Variants in DOCK2 observed in about 807,000 individuals in gnomAD.
DOCK2 encodes dedicator of cytokinesis protein 2.
DOCK2 carries 87 observed loss-of-function variants against 248.9 expected under a neutral mutation model. The ratio of observed to expected loss-of-function variants is 0.35; its 90% confidence interval spans 0.29 to 0.42. The LOEUF (loss-of-function observed/expected upper bound fraction) is 0.42. Among genes scored for constraint, DOCK2 ranks in the 10% least tolerant of loss-of-function variants. The pLI is 1.00. For synonymous variants in DOCK2, 805 were observed against 821.6 expected, an observed-to-expected ratio of 0.98 and a Z score of 0.35; for missense variants, 1,747 against 2,300.2, an observed-to-expected ratio of 0.76 and a Z score of 4.92.
intron 51 of DOCK2, 125 bp from the exon 52 acceptor site, chr5:170,082,671 C>T: frequency 8.2e-7 from 1 of 1,216,558 alleles, no homozygotes; most frequent in Non-Finnish European, 1.2e-6. Flanking sequence ...CATAGCAGCT[C>T]ACATTCACTG....
At chr5:169,666,975 G>A (rs1758771080) in intron 2 of DOCK2, among the ~76,000 whole-genome samples, 2 of 152,190 alleles carry the variant, frequency 1.3e-5, no homozygotes, top group Admixed American at 6.5e-5. Context: ...GAATCCTGTC[G>A]TCAGGAGTGA....
intron 27 of DOCK2, among the ~76,000 whole-genome samples, chr5:169,893,542 G>A (rs1429868677): frequency 6.6e-6 from 1 of 150,860 alleles, no homozygotes; most frequent in East Asian, 1.9e-4. Context: ...TTTTTCCTGG[G>A]GTCAAACACT....
intron 25 of DOCK2, among the ~76,000 whole-genome samples, chr5:169,797,820 A>G (rs762750846): frequency 9.9e-5 from 15 of 152,214 alleles, no homozygotes; most frequent in Admixed American, 2.6e-4. Flanking sequence ...TGGCTTGACA[A>G]TCAAGCAGCA....
intron 26 of DOCK2, among the ~76,000 whole-genome samples, chr5:169,807,866 A>G (rs984357146): frequency 1.3e-5 from 2 of 150,276 alleles, no homozygotes; most frequent in Non-Finnish European, 3.0e-5. Flanking sequence ...AAAATCTAGC[A>G]TCTTCCAATA....
rs1370380019 is a variant in DOCK2, at chr5:169,724,633, A to G, written c.2267+5842A>G. Among the ~76,000 whole-genome samples, 6 of 152,134 alleles carry G rather than the reference A, an allele frequency of 3.9e-5. No individual in the cohort carries two copies. In the East Asian group the frequency reaches 1.2e-3, roughly 29 times the overall value. On this transcript the variant is annotated intron_variant, in intron 22 of 51. Coordinates refer to ENST00000520908, the MANE Select transcript of DOCK2 (RefSeq NM_004946.3). Reference sequence around the variant, plus strand: ...ATCTCAGGAGCATGGTTCGCAGCTCAGCGACGCCTCCAGTCTAGCTTACCT... The same window carrying G: ...ATCTCAGGAGCATGGTTCGCAGCTCGGCGACGCCTCCAGTCTAGCTTACCT...
intron 25 of DOCK2, among the ~76,000 whole-genome samples, chr5:169,765,987 A>G (rs374237654): frequency 1.2e-4 from 19 of 152,314 alleles, no homozygotes; most frequent in East Asian, 9.6e-4. Context: ...AATTGTGCCT[A>G]TATCTTTTCT....
intron 1 of DOCK2, among the ~76,000 whole-genome samples, chr5:169,640,365 T>A (rs1216267545): frequency 6.6e-6 from 1 of 152,190 alleles, no homozygotes; most frequent in Non-Finnish European, 1.5e-5. Context: ...GCCAGGCAGA[T>A]TTGTGTGGGA....
At chr5:169,770,976 A>G (rs1207973925) in intron 25 of DOCK2, among the ~76,000 whole-genome samples, 3 of 152,242 alleles carry the variant, frequency 2.0e-5, no homozygotes, top group Non-Finnish European at 4.4e-5. Flanking sequence ...TAGAACTACT[A>G]GTAGATTTGC....
chr5:170,036,026 C>G (rs945545391), intron 35 of DOCK2, among the ~76,000 whole-genome samples: 1 of 152,092 alleles, frequency 6.6e-6, no homozygotes, highest in Admixed American at 6.5e-5. Flanking sequence ...AATGTTTTGG[C>G]GACAGAATCC....
chr5:170,045,051 T>C (rs1418570768), intron 38 of DOCK2, among the ~76,000 whole-genome samples: 1 of 152,084 alleles, frequency 6.6e-6, no homozygotes, highest in African/African-American at 2.4e-5. Flanking sequence ...TTGTTTAGAA[T>C]TTTTTCTCTT....
chr5:169,919,750 A>G (rs1377160888), intron 27 of DOCK2, among the ~76,000 whole-genome samples: 1 of 152,130 alleles, frequency 6.6e-6, no homozygotes, highest in Non-Finnish European at 1.5e-5. Flanking sequence ...AAACCTGCTA[A>G]TGTGGGGGCA....
chr5:170,009,225 G>A (rs2113810778), intron 32 of DOCK2, among the ~76,000 whole-genome samples: 1 of 152,168 alleles, frequency 6.6e-6, no homozygotes, highest in African/African-American at 2.4e-5. Context: ...GGAGCTTCAG[G>A]AATTCTGTGT....
intron 27 of DOCK2, among the ~76,000 whole-genome samples, chr5:169,845,496 G>A (rs1314477144): frequency 1.3e-5 from 2 of 152,178 alleles, no homozygotes; most frequent in Non-Finnish European, 2.9e-5. Flanking sequence ...AGTTTGTTGA[G>A]CAAATGAAGG....
At chr5:169,663,664 G>C (rs977070463) in intron 2 of DOCK2, among the ~76,000 whole-genome samples, 1 of 152,248 alleles carries the variant, frequency 6.6e-6, no homozygotes, top group African/African-American at 2.4e-5. Context: ...TGAAACAACA[G>C]TTTGAGCTGT....
chr5:169,762,428 T>C (rs944920595), intron 25 of DOCK2, among the ~76,000 whole-genome samples: 2 of 152,176 alleles, frequency 1.3e-5, no homozygotes, highest in African/African-American at 4.8e-5. Context: ...GAGCTTCTGC[T>C]TACCCTAAAC....
At chr5:169,728,097 A>G (rs262879) in intron 22 of DOCK2, among the ~76,000 whole-genome samples, 134,568 of 152,184 alleles carry the variant, frequency 0.88, 59,591 homozygotes, top group East Asian at 0.98. Context: ...GAATGTAGGA[A>G]TGGAATTCAA....
In DOCK2 at chr5:170,004,604, A is replaced by G. The variant is rs1298974126; in HGVS notation, c.3073-3893A>G. Among the ~76,000 whole-genome samples, 4 of 151,224 alleles carry G rather than the reference A, an allele frequency of 2.6e-5. No individual in the cohort carries two copies. In the East Asian group the frequency reaches 5.8e-4, roughly 22 times the overall value. ...ATGACTATAAATCATGCTGCTATAA[A>G]GACACATGCACACGTATGTTTATTG... On this transcript the variant is annotated intron_variant, in intron 30 of 51. Coordinates refer to ENST00000520908, the MANE Select transcript of DOCK2 (RefSeq NM_004946.3).
chr5:169,800,944 CTTTTTTTTTTTTTTTTTT>C (rs60140740), intron 25 of DOCK2, among the ~76,000 whole-genome samples: 1 of 53,194 alleles, frequency 1.9e-5, no homozygotes, highest in Non-Finnish European at 2.9e-5. Context: ...TTCTTTCTTT[CTTTTTTTTTTTTTTTTTT>C]TTTTTTTTTT....
At chr5:170,035,816 G>A (rs973985062) in intron 35 of DOCK2, among the ~76,000 whole-genome samples, 4 of 152,118 alleles carry the variant, frequency 2.6e-5, no homozygotes, top group African/African-American at 7.2e-5. Flanking sequence ...GGTGCACGTG[G>A]GTGTGCTGCA....
Sources: gnomAD v4.1 joint callset for allele counts (sites outside exome capture counted in the v4.1 genomes callset) on GRCh38, gnomAD v4.1.1 for gene constraint, MANE v1.5 for transcripts, NCBI Gene and HGNC (gene_info 2026-07-23, HGNC 2026-07-21) for gene names.